The following TDRD6 variants were observed in gnomAD, a reference collection of about 807,000 sequenced individuals.
TDRD6 encodes the protein tudor domain containing 6.
Under a neutral mutation model 157.5 loss-of-function variants are expected in TDRD6, and 186 were observed. The ratio of observed to expected loss-of-function variants is 1.18; its 90% CI spans 1.05 to 1.33. TDRD6 has a LOEUF of 1.33. TDRD6 is among the 40% of genes most tolerant of loss of function. TDRD6 has a pLI of 0.00. For missense variants in TDRD6, 3,066 were observed against 2,508.0 expected, an observed-to-expected ratio of 1.22 and a Z score of -4.75; for synonymous variants, 1,075 against 945.2, an observed-to-expected ratio of 1.14 and a Z score of -2.52.
chr6:46,690,933 T>C lies in TDRD6; in HGVS notation c.2805T>C (p.Phe935=). Residue 935 remains phenylalanine, a synonymous_variant, in exon 1 of 4, where the codon TTT becomes TTC. Coordinates refer to ENST00000316081, the MANE Select transcript of TDRD6 (RefSeq NM_001010870.3). ...TGGCTTCAATTAATGAAGAACTGTT[T>C]AACATTGTGGATTTGCTAACCCCCT... ...FALASINEEL[F]NIVDLLTPFQ... 6.2e-7 allele frequency: 1 copy of C among 1,614,140 alleles called. No individual in the cohort carries two copies. Among genetic ancestry groups the C allele is most frequent in the Non-Finnish European group, 8.5e-7 (1 of 1,179,994 alleles).
chr6:46,691,342 G>A lies in TDRD6; in HGVS notation c.3214G>A (p.Val1072Ile), dbSNP rs761486046. ...VFFVDFGNIYVVTSDDLLPIP... is the reference protein window; with the variant it reads ...VFFVDFGNIYIVTSDDLLPIP... ...CTTTGTTGATTTTGGGAATATTTAT[G>A]TAGTAACAAGTGATGATCTGCTTCC... Residue 1072 changes from valine (V) to isoleucine (I), a missense_variant, in exon 1 of 4, where the codon GTA (valine) becomes ATA (isoleucine). By Grantham distance (29) the Val-to-Ile change is conservative. Coordinates refer to ENST00000316081, the MANE Select transcript of TDRD6 (RefSeq NM_001010870.3). 1.4e-4 allele frequency: 218 copies of A among 1,613,930 alleles called. 3 individuals are homozygous for A. The Admixed American group carries it at 3.5e-3, about 26-fold the overall frequency.
At position 46,692,517 on chromosome 6, in the gene TDRD6, T is replaced by C. The variant is rs760739709; in HGVS notation, c.4389T>C (p.Ala1463=). 1.2e-6 allele frequency: 2 copies of C among 1,613,818 alleles called. No homozygotes were observed. Among genetic ancestry groups the C allele is most frequent in the Non-Finnish European group, 1.7e-6 (2 of 1,180,014 alleles). Residue 1463 remains alanine, a synonymous_variant, in exon 1 of 4, where the codon GCT becomes GCC. Transcript: ENST00000316081. ...KFQDRWEVIL[A]DEHGIIADDM... Reference sequence around the variant, plus strand: ...AAGACAGATGGGAAGTTATTCTTGCTGATGAACATGGGATCATAGCAGATG... The same window carrying C: ...AAGACAGATGGGAAGTTATTCTTGCCGATGAACATGGGATCATAGCAGATG...
In TDRD6 at chr6:46,693,175, G is replaced by A. The variant is rs1582547321; in HGVS notation, c.5047G>A (p.Asp1683Asn). The change falls in exon 1 of 4, where the codon GAC (aspartate) becomes AAC (asparagine). Residue 1683 changes from aspartate to asparagine, a missense_variant. Asp to Asn is a conservative substitution (Grantham distance 23). Coordinates refer to ENST00000316081, the MANE Select transcript of TDRD6 (RefSeq NM_001010870.3). ...DVCDIPLAIV[D>N]LKSKGKSINE... ...TTGTGATATCCCTTTAGCAATTGTT[G>A]ACTTGAAAAGCAAAGGTAAAAGTAT... 2 of 1,608,724 alleles carry A rather than the reference G, an allele frequency of 1.2e-6. No individual in the cohort carries two copies. Among genetic ancestry groups the A allele is most frequent in the Non-Finnish European group, 1.7e-6 (2 of 1,177,842 alleles).
At chr6:46,682,328 CAT>C in the TDRD6 span, among the ~76,000 whole-genome samples, 2 of 152,020 alleles carry the variant, frequency 1.3e-5, no homozygotes, top group East Asian at 1.9e-4. Context: ...CAAATTTTTA[CAT>C]GAGTAAAAAA....
chr6:46,681,442 C>T, the TDRD6 span: 1 of 445,730 alleles, frequency 2.2e-6, no homozygotes, highest in South Asian at 1.6e-5. Context: ...TATACATGAA[C>T]ATTTTACCCA....
chr6:46,684,126 C>G (rs954437576), upstream of TDRD6, among the ~76,000 whole-genome samples: 4 of 152,050 alleles, frequency 2.6e-5, no homozygotes, highest in Non-Finnish European at 4.4e-5. Flanking sequence ...CTCATTGCCC[C>G]CTATAATGAT....
the TDRD6 span, among the ~76,000 whole-genome samples, chr6:46,680,873 T>C: frequency 1.3e-5 from 2 of 152,218 alleles, no homozygotes; most frequent in Admixed American, 6.5e-5. Context: ...TTTATTTGTA[T>C]TGGTTAAATT....
At chr6:46,699,004 T>C (rs1182962185) in intron 3 of TDRD6, among the ~76,000 whole-genome samples, 1 of 152,132 alleles carries the variant, frequency 6.6e-6, no homozygotes, top group East Asian at 1.9e-4. Context: ...CTTTGGTCAG[T>C]GGTTTATATA....
upstream of TDRD6, among the ~76,000 whole-genome samples, chr6:46,687,369 C>G (rs181326886): frequency 2.6e-5 from 4 of 152,296 alleles, no homozygotes; most frequent in South Asian, 8.3e-4. Context: ...TTGCTATATA[C>G]TTTCACACGT....
intron 2 of TDRD6, 74 bp downstream of exon 2, chr6:46,696,019 G>A (rs1349088795): frequency 6.6e-7 from 1 of 1,514,994 alleles, no homozygotes; most frequent in Non-Finnish European, 8.9e-7. Context: ...GACTCTGTCA[G>A]ACTAGAGAAC....
chr6:46,684,545 A>G (rs192368122), upstream of TDRD6, among the ~76,000 whole-genome samples: 1 of 152,102 alleles, frequency 6.6e-6, no homozygotes, highest in Non-Finnish European at 1.5e-5. Flanking sequence ...GGAAGCCACT[A>G]ATCTTTTCTC....
Position 46,691,649 on chromosome 6 carries a change from G to T in TDRD6, c.3521G>T (p.Cys1174Phe), listed in dbSNP as rs1053831054. 4.3e-6 allele frequency: 7 copies of T among 1,612,882 alleles called. No homozygotes were observed. Among genetic ancestry groups the T allele is most frequent in the Non-Finnish European group, 5.9e-6 (7 of 1,179,600 alleles). The change falls in exon 1 of 4, where the codon TGT (cysteine) becomes TTT (phenylalanine). Residue 1174 changes from cysteine (C) to phenylalanine (F), a missense_variant. Coordinates refer to ENST00000316081, the MANE Select transcript of TDRD6 (RefSeq NM_001010870.3). The part of the protein sequence containing the change: ...RIRKKESEVL[C>F]STTETLEEKN... ...AGAAAAAAAGAAAGTGAAGTCCTCT[G>T]TTCTACAACTGAAACTCTTGAAGAA...
Position 46,692,381 on chromosome 6 carries a change from G to C in TDRD6, c.4253G>C (p.Cys1418Ser). The C allele has an allele frequency of 6.2e-7, 1 of 1,614,176 alleles. No homozygotes were observed. Residue 1418 changes from cysteine (C) to serine (S), a missense_variant, in exon 1 of 4, where the codon TGC (cysteine) becomes TCC (serine). Physicochemically the swap from Cys to Ser is moderately radical, Grantham distance 112. Transcript: ENST00000316081. ...ATATTGCCGGGGTTGTGCATTCATT[G>C]CTCCTTGCAGGGATTTGAGGTTCCT... The part of the protein sequence containing the change: ...NAILPGLCIH[C>S]SLQGFEVPDN...
At position 46,692,926 on chromosome 6, in the gene TDRD6, G is replaced by A. The variant is rs1443466580; in HGVS notation, c.4798G>A (p.Val1600Ile). ...TNICEDYLVS[V>I]RLVDFGNIED... ...TATTTGTGAAGATTATCTTGTATCTGTCAGGCTTGTGGACTTTGGAAACAT... is the reference window on the plus strand; with the variant it reads ...TATTTGTGAAGATTATCTTGTATCTATCAGGCTTGTGGACTTTGGAAACAT... The change falls in exon 1 of 4, where the codon GTC (valine) becomes ATC (isoleucine). Residue 1600 changes from valine (V) to isoleucine (I), a missense_variant. Transcript: ENST00000316081. The A allele has an allele frequency of 6.2e-7, 1 of 1,613,982 alleles. No individual in the cohort carries two copies. Among genetic ancestry groups the A allele is most frequent in the African/African-American group, 1.3e-5 (1 of 74,906 alleles).
At chr6:46,681,597 A>G in the TDRD6 span, 1 of 470,408 alleles carries the variant, frequency 2.1e-6, no homozygotes, top group African/African-American at 2.0e-5. Context: ...ATGCTTAAAG[A>G]TGTCTGTTTG....
In TDRD6 at chr6:46,689,924, A is replaced by C; in HGVS notation, c.1796A>C (p.Lys599Thr). Residue 599 changes from lysine to threonine, a missense_variant, in exon 1 of 4, where the codon AAG becomes ACG. Physicochemically the swap from Lys to Thr is moderately conservative, Grantham distance 78. Transcript: ENST00000316081. ...QFRQLPILAV[K>T]CTLADIWPLG... ...AGGCAGCTACCAATATTGGCTGTGA[A>C]GTGCACCCTGGCTGATATTTGGCCT... 2 of 1,614,178 alleles carry C rather than the reference A, an allele frequency of 1.2e-6. No individual in the cohort carries two copies. The highest frequency in any genetic ancestry group is 1.7e-6 in the Non-Finnish European group (2 of 1,180,030).
chr6:46,688,433 G>T lies in TDRD6; in HGVS notation c.305G>T (p.Gly102Val), dbSNP rs1312457635. ...QESRVFLLDEGRTITAGAGSL... is the reference protein window; with the variant it reads ...QESRVFLLDEVRTITAGAGSL... ...AGCCGTGTCTTCCTGCTGGACGAGGGCCGCACCATCACGGCCGGAGCAGGC... is the reference window on the plus strand; with the variant it reads ...AGCCGTGTCTTCCTGCTGGACGAGGTCCGCACCATCACGGCCGGAGCAGGC... The change falls in exon 1 of 4, where the codon GGC becomes GTC. Residue 102 changes from glycine to valine, a missense_variant. Gly to Val is a moderately radical substitution (Grantham distance 109). Transcript: ENST00000316081. 1 of 1,541,924 alleles carries T rather than the reference G, an allele frequency of 6.5e-7. No individual in the cohort carries two copies. The highest frequency in any genetic ancestry group is 8.7e-7 in the Non-Finnish European group (1 of 1,146,184).
rs575464913 is a variant in TDRD6 at position 46,692,882 on chromosome 6, A to G, written c.4754A>G (p.Tyr1585Cys). The change falls in exon 1 of 4, where the codon TAT becomes TGT. Residue 1585 changes from tyrosine to cysteine, a missense_variant. Transcript: ENST00000316081. ...AGATACAGAGAAGATGGACATTATT[A>G]TAGGGCACTTATCACTAATATTTGT... Reference protein sequence around the residue: ...IVRYREDGHYYRALITNICED... With the variant: ...IVRYREDGHYCRALITNICED... 5.0e-6 allele frequency: 8 copies of G among 1,614,142 alleles called. No homozygotes were observed. The East Asian group carries it at 1.6e-4, about 31-fold the overall frequency.
At position 46,690,554 on chromosome 6, in the gene TDRD6, G is replaced by A; in HGVS notation, c.2426G>A (p.Cys809Tyr). The A allele has an allele frequency of 6.2e-7, 1 of 1,614,128 alleles. No homozygotes were observed. Among genetic ancestry groups the A allele is most frequent in the Non-Finnish European group, 8.5e-7 (1 of 1,180,018 alleles). Reference sequence around the variant, plus strand: ...CTAATGTCTGATATTCAGTACTATTGCAAAAATACAGCTGCTCCTCACCAG... The same window carrying A: ...CTAATGTCTGATATTCAGTACTATTACAAAAATACAGCTGCTCCTCACCAG... Reference protein sequence around the residue: ...KTLMSDIQYYCKNTAAPHQRN... With the variant: ...KTLMSDIQYYYKNTAAPHQRN... The change falls in exon 1 of 4, where the codon TGC (cysteine) becomes TAC (tyrosine). Residue 809 changes from cysteine (C) to tyrosine (Y), a missense_variant. Physicochemically the swap from Cys to Tyr is radical, Grantham distance 194. Transcript: ENST00000316081.
Sources: allele counts gnomAD v4.1 joint callset (sites outside exome capture counted in the v4.1 genomes callset), GRCh38; gene constraint gnomAD v4.1.1; transcripts MANE v1.5; gene names NCBI Gene and HGNC (gene_info 2026-07-23, HGNC 2026-07-21).